Variants in FBN1 observed in about 807,000 individuals in gnomAD.
FBN1 encodes the protein fibrillin 1.
FBN1 carries 29 observed loss-of-function variants against 365.1 expected under a neutral mutation model. The observed-to-expected ratio is 0.08, with a 90% confidence interval of 0.06 to 0.11. The LOEUF is 0.11. Among genes scored for constraint, FBN1 ranks in the 10% least tolerant of loss-of-function variants. The pLI is 1.00. For missense variants in FBN1, 2,476 were observed against 3,703.2 expected, an observed-to-expected ratio of 0.67 and a Z score of 8.60; for synonymous variants, 1,210 against 1,270.5, an observed-to-expected ratio of 0.95 and a Z score of 1.01.
At chr15:48,636,361 G>A (rs1015299709) in intron 2 of FBN1, among the ~76,000 whole-genome samples, 1 of 152,158 alleles carries the variant, frequency 6.6e-6, no homozygotes, top group African/African-American at 2.4e-5. Flanking sequence ...GGACATATGA[G>A]TCCATGTGAC....
rs1026547100 is a variant in FBN1, at chr15:48,515,390, T to C, written c.1465A>G (p.Ile489Val). Reference protein sequence around the residue: ...GFQLDLRGECIDVDECEKNPC... With the variant: ...GFQLDLRGECVDVDECEKNPC... The stretch of plus-strand genomic sequence containing the variant: ...CAACCTAGGATGGATCACGTACCAA[T>C]ACACTCCCCACGGAGGTCCAGCTGG... Residue 489 changes from isoleucine (I) to valine (V), a missense_variant, in exon 12 of 66, where the codon ATT (isoleucine) becomes GTT (valine). Transcript: ENST00000316623. 2 of 1,613,744 alleles carry C rather than the reference T, an allele frequency of 1.2e-6. No homozygotes were observed. The highest frequency in any genetic ancestry group is 2.7e-5 in the African/African-American group (2 of 74,880).
chr15:48,582,047 AACACTTCACAGAAT>A (rs1438660518), intron 6 of FBN1, among the ~76,000 whole-genome samples: 3 of 152,198 alleles, frequency 2.0e-5, no homozygotes, highest in Non-Finnish European at 4.4e-5. Flanking sequence ...CTGAGGTATT[AACACTTCACAGAAT>A]ACACTTGGCT....
intron 26 of FBN1, 28 bp downstream of exon 26, chr15:48,488,340 T>C (rs941243637): frequency 4.3e-6 from 7 of 1,614,214 alleles, no homozygotes; most frequent in Non-Finnish European, 5.1e-6. Context: ...ACGTCCCCTC[T>C]CCTGGCCCTT....
At chr15:48,428,571 C>T (rs2043000815) in intron 56 of FBN1, 100 bp from the exon 57 acceptor site, 2 of 1,324,372 alleles carry the variant, frequency 1.5e-6, no homozygotes, top group South Asian at 1.2e-5. Context: ...TCCCTCCCTC[C>T]TTCCCTCCCT....
rs577526434 is a variant in FBN1, at chr15:48,631,889, G to C, written c.164+12717C>G. ...CTCTGCACTGCTGCCAAAGAGAATGGTTTTCAACCCAGTCTTTCCATTTAC... is the reference window on the plus strand; with the variant it reads ...CTCTGCACTGCTGCCAAAGAGAATGCTTTTCAACCCAGTCTTTCCATTTAC... On this transcript the variant is annotated intron_variant, in intron 2 of 65. Coordinates refer to ENST00000316623, the MANE Select transcript of FBN1 (RefSeq NM_000138.5). Among the ~76,000 whole-genome samples the C allele has an allele frequency of 3.3e-5, 5 of 152,280 alleles. No individual in the cohort carries two copies. The East Asian group carries it at 9.6e-4, about 29-fold the overall frequency.
chr15:48,474,550 A>T lies in FBN1; in HGVS notation c.4065T>A (p.Ile1355=), dbSNP rs1683581440. 1 of 1,614,022 alleles carries T rather than the reference A, an allele frequency of 6.2e-7. No individual in the cohort carries two copies. Among genetic ancestry groups the T allele is most frequent in the Non-Finnish European group, 8.5e-7 (1 of 1,179,992 alleles). ...SFKCSCSPGW[I]GDGIKCTDLD... ...CACCAGTGCACTTAATGCCATCTCC[A>T]ATCCACCCGGGACTGCAGCTACATT... The change falls in exon 33 of 66, where the codon ATT becomes ATA. Residue 1355 remains isoleucine, a synonymous_variant. Coordinates refer to ENST00000316623, the MANE Select transcript of FBN1 (RefSeq NM_000138.5).
chr15:48,617,728 C>G (rs2140744920), intron 2 of FBN1, among the ~76,000 whole-genome samples: 1 of 152,292 alleles, frequency 6.6e-6, no homozygotes, highest in South Asian at 2.1e-4. Context: ...TGTGGACTGG[C>G]AAAAGCCTCT....
At chr15:48,426,785 A>G (rs1294590693) in intron 58 of FBN1, among the ~76,000 whole-genome samples, 1 of 152,130 alleles carries the variant, frequency 6.6e-6, no homozygotes, top group East Asian at 1.9e-4. Flanking sequence ...CCAAAGAATC[A>G]TAAATTGCTT....
At chr15:48,456,843 C>CGTGCGTGCGTGT (rs6145556) in intron 43 of FBN1, 81 bp from the exon 44 acceptor site, 1 of 682,596 alleles carries the variant, frequency 1.5e-6, no homozygotes, top group African/African-American at 1.9e-5. Flanking sequence ...AAAGTGCGTG[C>CGTGCGTGCGTGT]GTGTGTGTGT....
At chr15:48,430,004 C>G (rs1351925488) in intron 56 of FBN1, among the ~76,000 whole-genome samples, 4 of 152,182 alleles carry the variant, frequency 2.6e-5, no homozygotes, top group African/African-American at 9.7e-5. Flanking sequence ...TCAGTTGCAA[C>G]CACTTAGCTC....
intron 20 of FBN1, 70 bp downstream of exon 20, chr15:48,496,030 T>C: frequency 6.3e-7 from 1 of 1,589,676 alleles, no homozygotes; most frequent in South Asian, 1.1e-5. Context: ...TCTAATTCAG[T>C]CTTATGGTTT....
chr15:48,433,044 C>T (rs930288550), intron 54 of FBN1, 56 bp from the exon 55 acceptor site: 11 of 1,599,680 alleles, frequency 6.9e-6, no homozygotes, highest in Admixed American at 6.7e-5. Flanking sequence ...AAAAGGGAAC[C>T]TACCAATTGA....
chr15:48,492,405 AT>A (rs2043567519), intron 24 of FBN1, 55 bp downstream of exon 24: 1 of 1,561,620 alleles, frequency 6.4e-7, no homozygotes. Context: ...TGTTAACTTC[AT>A]TTTTAATAAT....
At position 48,520,705 on chromosome 15, in the gene FBN1, A is replaced by C; in HGVS notation, c.1101T>G (p.Ser367=). 1 of 1,614,164 alleles carries C rather than the reference A, an allele frequency of 6.2e-7. No individual in the cohort carries two copies. The change falls in exon 10 of 66, where the codon TCT becomes TCG. Residue 367 remains serine, a synonymous_variant. Coordinates refer to ENST00000316623, the MANE Select transcript of FBN1 (RefSeq NM_000138.5). ...TCTCAGGGGCGACAGTGACCCCTGG[A>C]GACCAGCATCGGCCGGCATCACAGC... ...QCCCDAGRCW[S]PGVTVAPEMC...
chr15:48,423,499 G>T (rs763088395), intron 60 of FBN1, among the ~76,000 whole-genome samples: 25 of 152,146 alleles, frequency 1.6e-4, no homozygotes, highest in Admixed American at 9.2e-4. Flanking sequence ...CCCTGTCTAT[G>T]GCCCAAGGAG....
At chr15:48,557,260 G>A (rs2044188963) in intron 6 of FBN1, among the ~76,000 whole-genome samples, 1 of 152,174 alleles carries the variant, frequency 6.6e-6, no homozygotes, top group Admixed American at 6.5e-5. Flanking sequence ...GAAAAAAACT[G>A]AGATTGGGGT....
In FBN1 at chr15:48,426,866, C is replaced by T. The variant is rs183684806; in HGVS notation, c.7204+701G>A. 4.2e-3 allele frequency among the ~76,000 whole-genome samples: 644 copies of T among 152,202 alleles called. 5 individuals are homozygous for T. The highest frequency in any genetic ancestry group is 6.8e-3 in the Non-Finnish European group (464 of 68,022). On this transcript the variant is annotated intron_variant, in intron 58 of 65. Coordinates refer to ENST00000316623, the MANE Select transcript of FBN1 (RefSeq NM_000138.5). ...TTAAATCACATCCAGTTCCATTATT[C>T]TGCCTTCAGCCACATCTTTCCAATA...
At chr15:48,417,639 A>C (rs745560641) in intron 63 of FBN1, among the ~76,000 whole-genome samples, 9 of 152,108 alleles carry the variant, frequency 5.9e-5, no homozygotes, top group Non-Finnish European at 1.3e-4. Context: ...AATATAAATA[A>C]TAATTTTATC....
At chr15:48,544,356 A>C (rs2044079860) in intron 6 of FBN1, among the ~76,000 whole-genome samples, 1 of 152,210 alleles carries the variant, frequency 6.6e-6, no homozygotes, top group Non-Finnish European at 1.5e-5. Context: ...ATTATGCAAA[A>C]TGTTTACCTT....
Sources: allele counts gnomAD v4.1 joint callset (sites outside exome capture counted in the v4.1 genomes callset), GRCh38; gene constraint gnomAD v4.1.1; transcripts MANE v1.5; gene names NCBI Gene and HGNC (gene_info 2026-07-23, HGNC 2026-07-21).